Variants in TANC1 observed in about 807,000 individuals in gnomAD.
TANC1 encodes protein TANC1.
A neutral mutation model predicts 149.7 loss-of-function variants in TANC1; 77 were observed. That is an observed-to-expected ratio of 0.51 (90% CI 0.43 to 0.62). TANC1 has a LOEUF of 0.62. Ranked by LOEUF, TANC1 falls within the 20% of genes least tolerant of loss-of-function variation. The pLI is 0.00. For synonymous variants in TANC1, 854 were observed against 925.0 expected (o/e 0.92, Z 1.39); for missense variants, 1,985 against 2,321.8 (o/e 0.85, Z 2.98).
At position 159,170,659 on chromosome 2, in the gene TANC1, C is replaced by G; in HGVS notation, c.1205C>G (p.Thr402Arg). The change falls in exon 10 of 27, where the codon ACA (threonine) becomes AGA (arginine). Residue 402 changes from threonine to arginine, a missense_variant. Physicochemically the swap from Thr to Arg is moderately conservative, Grantham distance 71 (BLOSUM62 -1). Coordinates refer to ENST00000263635, the MANE Select transcript of TANC1 (RefSeq NM_033394.3). ...CAGATAGAAGAAAACTTGAGGAACACAGAACTGGCAGAAAACAGAGGCGCG... is the reference window on the plus strand; with the variant it reads ...CAGATAGAAGAAAACTTGAGGAACAGAGAACTGGCAGAAAACAGAGGCGCG... ...FHQIEENLRN[T>R]ELAENRGAVV... 6.2e-7 allele frequency: 1 copy of G among 1,614,096 alleles called. No homozygotes were observed. The highest frequency in any genetic ancestry group is 8.5e-7 in the Non-Finnish European group (1 of 1,180,036).
chr2:159,184,971 A>T (rs2056838897), intron 14 of TANC1, among the ~76,000 whole-genome samples: 1 of 152,248 alleles, frequency 6.6e-6, no homozygotes, highest in Admixed American at 6.5e-5. Context: ...TAAATAATGC[A>T]TGCTTTTAAT....
At chr2:159,042,650 G>A (rs530429168) in intron 2 of TANC1, among the ~76,000 whole-genome samples, 12 of 152,136 alleles carry the variant, frequency 7.9e-5, no homozygotes, top group East Asian at 3.9e-4. Flanking sequence ...ACAGAGAAAG[G>A]GCTGGCAAGA....
chr2:159,163,294 A>C lies in TANC1; in HGVS notation c.694A>C (p.Ser232Arg). 1 of 1,613,140 alleles carries C rather than the reference A, an allele frequency of 6.2e-7. No homozygotes were observed. Among genetic ancestry groups the C allele is most frequent in the Non-Finnish European group, 8.5e-7 (1 of 1,179,382 alleles). ...KDSGIIATIT[S>R]SSENDDRSGS... The stretch of plus-strand genomic sequence containing the variant: ...GTCTTTCATTTCAGCCACAATTACA[A>C]GTTCATCCGAAAATGATGACCGGAG... The change falls in exon 8 of 27, where the codon AGT becomes CGT. Residue 232 changes from serine (S) to arginine (R), a missense_variant. Ser to Arg is a moderately radical substitution (Grantham distance 110). Transcript: ENST00000263635.
chr2:159,039,333 T>G (rs2040448035), intron 2 of TANC1, among the ~76,000 whole-genome samples: 3 of 152,212 alleles, frequency 2.0e-5, no homozygotes, highest in Non-Finnish European at 2.9e-5. Flanking sequence ...TTGAAGGGTT[T>G]TTTATGTCTC....
At chr2:159,189,937 C>G (rs13404031) in intron 16 of TANC1, among the ~76,000 whole-genome samples, 1 of 152,058 alleles carries the variant, frequency 6.6e-6, no homozygotes, top group Non-Finnish European at 1.5e-5. Context: ...GGTAAAAATA[C>G]GTACAGCATT....
chr2:159,176,336 T>A lies in TANC1; in HGVS notation c.1736-16T>A, dbSNP rs762663336. 50 of 1,426,036 alleles carry A rather than the reference T, an allele frequency of 3.5e-5. No homozygotes were observed. The Admixed American group carries it at 1.2e-3, about 35-fold the overall frequency. 88.3% of individuals were successfully genotyped at this position (1,426,036 alleles called of 1,614,324 possible). A position where few individuals can be genotyped will look rare whatever the true frequency, so the allele number is the denominator to read the frequency against. On this transcript the variant is annotated splice_polypyrimidine_tract_variant and intron_variant, in intron 12 of 26. Coordinates refer to ENST00000263635, the MANE Select transcript of TANC1 (RefSeq NM_033394.3). ...TGTATAATTTCTTAATTTGAAAAAA[T>A]TATTTTATCCTGTAGAGCAGAAAAT...
intron 3 of TANC1, among the ~76,000 whole-genome samples, chr2:159,077,585 A>G (rs531601442): frequency 9.2e-5 from 14 of 152,332 alleles, no homozygotes; most frequent in Admixed American, 6.5e-5. Flanking sequence ...GGACTTTATA[A>G]TACATCTTAT....
chr2:159,198,589 G>A (rs551745352), intron 18 of TANC1, among the ~76,000 whole-genome samples: 6 of 152,320 alleles, frequency 3.9e-5, no homozygotes, highest in East Asian at 1.9e-4. Flanking sequence ...TTGCAAAAAC[G>A]TATATCGCTT....
At chr2:159,006,622 G>A (rs1043700596) in intron 2 of TANC1, among the ~76,000 whole-genome samples, 1 of 152,126 alleles carries the variant, frequency 6.6e-6, no homozygotes, top group Non-Finnish European at 1.5e-5. Context: ...ACAAATTTCA[G>A]TATTTTCTTT....
intron 11 of TANC1, among the ~76,000 whole-genome samples, chr2:159,174,026 C>T (rs1250785648): frequency 6.6e-6 from 1 of 152,162 alleles, no homozygotes; most frequent in Non-Finnish European, 1.5e-5. Context: ...TTCCTGCAGG[C>T]GCTTGCCGCA....
In TANC1 at chr2:159,108,438, C is replaced by T. The variant is rs372356263; in HGVS notation, c.259+10604C>T. Among the ~76,000 whole-genome samples, 53 of 152,220 alleles carry T rather than the reference C, an allele frequency of 3.5e-4. No homozygotes were observed. The East Asian group carries it at 5.4e-3, about 16-fold the overall frequency. On this transcript the variant is annotated intron_variant, in intron 4 of 26. Coordinates refer to ENST00000263635, the MANE Select transcript of TANC1 (RefSeq NM_033394.3). ...TGCACCCTGTGGTGGTGTCAGATGG[C>T]GGCTGGAACAAACCCAGTACCATGC...
At chr2:159,043,335 G>A (rs1267983517) in intron 2 of TANC1, among the ~76,000 whole-genome samples, 1 of 152,050 alleles carries the variant, frequency 6.6e-6, no homozygotes, top group Non-Finnish European at 1.5e-5. Flanking sequence ...ATCCCTGAGT[G>A]AGGGAGACAA....
At chr2:159,193,613 C>T (rs550584846) in intron 16 of TANC1, among the ~76,000 whole-genome samples, 1 of 152,268 alleles carries the variant, frequency 6.6e-6, no homozygotes, top group East Asian at 1.9e-4. Flanking sequence ...CAACCTCCAC[C>T]TCCCGGGTTC....
chr2:159,212,588 G>A (rs2059061618), intron 19 of TANC1, among the ~76,000 whole-genome samples: 1 of 152,102 alleles, frequency 6.6e-6, no homozygotes, highest in African/African-American at 2.4e-5. Flanking sequence ...CCAGAGAAAT[G>A]AGTCAGTGTC....
At chr2:159,197,148 T>C (rs961916535) in intron 18 of TANC1, among the ~76,000 whole-genome samples, 9 of 152,226 alleles carry the variant, frequency 5.9e-5, no homozygotes, top group African/African-American at 2.2e-4. Context: ...CATTTAAAAA[T>C]AATCACATAG....
rs1005304723 is a variant in TANC1, at chr2:159,001,153, C to T, written c.-52C>T. 3 of 152,598 alleles carry T rather than the reference C, an allele frequency of 2.0e-5. No homozygotes were observed. The highest frequency in any genetic ancestry group is 4.4e-5 in the Non-Finnish European group (3 of 68,378). The allele number at this position is 152,598 out of a possible 1,614,324, so 9.5% of individuals were successfully genotyped here. A position where few individuals can be genotyped will look rare whatever the true frequency, so the allele number is the denominator to read the frequency against. On this transcript the variant is annotated 5_prime_UTR_variant, in exon 2 of 27. Coordinates refer to ENST00000263635, the MANE Select transcript of TANC1 (RefSeq NM_033394.3). The surrounding 1 kb of genome is among the most constrained non-coding windows in gnomAD (Gnocchi z 4.3). ...AAAATTGTGAACTAAGGCCCCCTGC[C>T]CCCTTTTCCTGGTGCATGTGAAGTT...
intron 8 of TANC1, among the ~76,000 whole-genome samples, chr2:159,167,325 C>A (rs540511505): frequency 4.1e-4 from 63 of 152,240 alleles, no homozygotes; most frequent in African/African-American, 1.4e-3. Context: ...AGTGCTCAGG[C>A]AGGAGCCTAG....
chr2:159,078,477 G>T (rs1431759385), intron 3 of TANC1, among the ~76,000 whole-genome samples: 2 of 152,182 alleles, frequency 1.3e-5, no homozygotes, highest in African/African-American at 4.8e-5. Context: ...GAAGGATTTT[G>T]TATCAGTTCT....
intron 7 of TANC1, among the ~76,000 whole-genome samples, chr2:159,159,715 TGTGAGAGAGAGAGAGAGAGA>T (rs2053830007): frequency 1.6e-5 from 1 of 63,162 alleles, no homozygotes. Context: ...TGTGTGTGTG[TGTGAGAGAGAGAGAGAGAGA>T]GAGAGAGAGA....
Sources: allele counts gnomAD v4.1 joint callset (sites outside exome capture counted in the v4.1 genomes callset), GRCh38; gene constraint gnomAD v4.1.1; non-coding constraint Gnocchi (gnomAD v3.1); transcripts MANE v1.5; gene names NCBI Gene and HGNC (gene_info 2026-07-23, HGNC 2026-07-21).